The following FTO variants were observed in gnomAD, a reference collection of about 807,000 sequenced individuals.
FTO encodes the protein alpha-ketoglutarate-dependent dioxygenase FTO.
In FTO, 47 loss-of-function variants were observed where a neutral mutation model predicts 63.9. The ratio of observed to expected loss-of-function variants is 0.74; its 90% CI spans 0.58 to 0.94. The LOEUF (loss-of-function observed/expected upper bound fraction) is 0.94, where lower values mean the gene tolerates loss of function less well. Ranked by LOEUF, FTO falls within the 40% of genes least tolerant of loss-of-function variation. The probability of loss-of-function intolerance (pLI) is 0.00; values close to 1 mark genes in which losing one functional copy is unlikely to be tolerated. For synonymous variants in FTO, 207 were observed against 224.4 expected (o/e 0.92, Z 0.69); for missense variants, 562 against 618.1 (o/e 0.91, Z 0.96).
intron 8 of FTO, among the ~76,000 whole-genome samples, chr16:54,108,794 C>T (rs764352709): frequency 6.6e-6 from 1 of 152,144 alleles, no homozygotes; most frequent in African/African-American, 2.4e-5. Context: ...TGAGGCTCAG[C>T]GAGGTAACAA....
chr16:53,994,470 C>T (rs1295312304), intron 8 of FTO: 1 of 152,164 alleles, frequency 6.6e-6, no homozygotes, highest in Non-Finnish European at 1.5e-5. Context: ...TAGTGATCCT[C>T]CCACCTCAGC....
At chr16:54,005,766 G>A (rs4784339) in intron 8 of FTO, among the ~76,000 whole-genome samples, 97,982 of 152,042 alleles carry the variant, frequency 0.64, 31,965 homozygotes, top group South Asian at 0.75. Flanking sequence ...AGGTTAACAA[G>A]TGGACTGGAG....
intron 8 of FTO, among the ~76,000 whole-genome samples, chr16:53,988,819 A>G (rs184346721): frequency 3.7e-4 from 57 of 152,286 alleles, no homozygotes; most frequent in Admixed American, 1.0e-3. Flanking sequence ...ATCATACCTC[A>G]TAATACCTAG....
intron 8 of FTO, among the ~76,000 whole-genome samples, chr16:54,108,694 T>C (rs991202163): frequency 6.6e-6 from 1 of 152,188 alleles, no homozygotes; most frequent in Non-Finnish European, 1.5e-5. Context: ...CAGGAAATGT[T>C]CTAAACACTG....
intron 8 of FTO, among the ~76,000 whole-genome samples, chr16:54,003,966 T>C (rs2084133138): frequency 6.6e-6 from 1 of 152,198 alleles, no homozygotes; most frequent in Non-Finnish European, 1.5e-5. Flanking sequence ...CCTCAATTTT[T>C]GATAAGGTAA....
chr16:53,997,908 G>T (rs2083980917), intron 8 of FTO, among the ~76,000 whole-genome samples: 3 of 152,274 alleles, frequency 2.0e-5, no homozygotes, highest in African/African-American at 7.2e-5. Flanking sequence ...ATACATTTGG[G>T]AAATAATAGA....
chr16:53,988,954 AC>A (rs1450511960), intron 8 of FTO, among the ~76,000 whole-genome samples: 1 of 149,028 alleles, frequency 6.7e-6, no homozygotes, highest in Non-Finnish European at 1.5e-5. Flanking sequence ...AATTCAGAAA[AC>A]CATTTTTTGG....
chr16:53,779,527 A>G (rs752120468), intron 1 of FTO, among the ~76,000 whole-genome samples: 1 of 152,136 alleles, frequency 6.6e-6, no homozygotes. Context: ...TGCACTCCCA[A>G]TTTACTCTAA....
Position 53,825,857 on chromosome 16 carries a change from G to T in FTO, c.124-7G>T. On this transcript the variant is annotated splice_polypyrimidine_tract_variant and splice_region_variant and intron_variant, in intron 2 of 8. Transcript: ENST00000471389. ...CAACGTCTGTTTTTGCTTTGGTTTT[G>T]TTTTAGTGGCAGCTGAAATATCCTA... The T allele has an allele frequency of 6.2e-7, 1 of 1,612,924 alleles. No homozygotes were observed.
intron 1 of FTO, among the ~76,000 whole-genome samples, chr16:53,807,662 G>T (rs1391721973): frequency 1.3e-5 from 2 of 152,124 alleles, no homozygotes; most frequent in Non-Finnish European, 2.9e-5. Flanking sequence ...ACATTTCAAG[G>T]TTTGAGAAAT....
At chr16:53,821,983 G>T (rs1259880072) in intron 2 of FTO, among the ~76,000 whole-genome samples, 1 of 152,124 alleles carries the variant, frequency 6.6e-6, no homozygotes, top group South Asian at 2.1e-4. Flanking sequence ...TATGCTGGAG[G>T]GTCTTGCAGT....
chr16:53,779,873 A>G (rs1383311022), intron 1 of FTO, among the ~76,000 whole-genome samples: 1 of 152,104 alleles, frequency 6.6e-6, no homozygotes, highest in African/African-American at 2.4e-5. Context: ...ATTTTCTGAT[A>G]TATCCTGAAC....
Position 53,977,442 on chromosome 16 carries a change from T to C in FTO, c.1364+43333T>C, listed in dbSNP as rs185293866. On this transcript the variant is annotated intron_variant, in intron 8 of 8. Coordinates refer to ENST00000471389, the MANE Select transcript of FTO (RefSeq NM_001080432.3). ...TATAGCAGTATTTTCTGATGCTCTC[T>C]GACCCTGGTTAACAGGTCTCAGTAG... Among the ~76,000 whole-genome samples the C allele has an allele frequency of 1.5e-3, 236 of 152,334 alleles. 4 individuals are homozygous for C. Among genetic ancestry groups the C allele is most frequent in the Non-Finnish European group, 1.4e-3 (94 of 68,018 alleles).
intron 1 of FTO, among the ~76,000 whole-genome samples, chr16:53,729,156 T>A (rs975363948): frequency 6.6e-6 from 1 of 152,142 alleles, no homozygotes; most frequent in African/African-American, 2.4e-5. Flanking sequence ...TTCAGGCCAC[T>A]GCTGTGTTCA....
chr16:53,757,426 A>G (rs535719056), intron 1 of FTO, among the ~76,000 whole-genome samples: 1 of 152,184 alleles, frequency 6.6e-6, no homozygotes, highest in East Asian at 1.9e-4. Context: ...TGTGTTTGCT[A>G]AGCTTGGCCA....
At chr16:53,790,933 A>G (rs1305109242) in intron 1 of FTO, among the ~76,000 whole-genome samples, 1 of 152,152 alleles carries the variant, frequency 6.6e-6, no homozygotes, top group African/African-American at 2.4e-5. Context: ...TATTAAAGGC[A>G]GAGGAAGAAA....
At chr16:54,081,239 C>G (rs543653677) in intron 8 of FTO, among the ~76,000 whole-genome samples, 2 of 152,090 alleles carry the variant, frequency 1.3e-5, no homozygotes, top group Non-Finnish European at 2.9e-5. Context: ...GAAAGTGATA[C>G]GAGAACAGGG....
intron 8 of FTO, among the ~76,000 whole-genome samples, chr16:53,935,225 T>A (rs2082361924): frequency 6.6e-6 from 1 of 152,226 alleles, no homozygotes; most frequent in South Asian, 2.1e-4. Flanking sequence ...AAAAATTCTA[T>A]GTGCCTGGAA....
At chr16:53,994,124 T>G (rs2083877486) in intron 8 of FTO, 1 of 152,162 alleles carries the variant, frequency 6.6e-6, no homozygotes, top group African/African-American at 2.4e-5. Flanking sequence ...TTTCATTGAC[T>G]CTCAATTGCC....
Sources: allele counts gnomAD v4.1 joint callset (sites outside exome capture counted in the v4.1 genomes callset), GRCh38; gene constraint gnomAD v4.1.1; transcripts MANE v1.5; gene names NCBI Gene and HGNC (gene_info 2026-07-23, HGNC 2026-07-21).